MAPKAP1: variants seen among roughly 807,000 people sequenced by gnomAD.
MAPKAP1 encodes the protein target of rapamycin complex 2 subunit MAPKAP1.
In MAPKAP1, 20 loss-of-function variants were observed where a neutral mutation model predicts 65.7. That is an observed-to-expected ratio of 0.30 (90% CI 0.21 to 0.44). MAPKAP1 has a LOEUF of 0.44. Ranked by LOEUF, MAPKAP1 falls within the 20% of genes least tolerant of loss-of-function variation. The pLI, the probability that MAPKAP1 is intolerant of heterozygous loss-of-function variation, is 1.00. For missense variants in MAPKAP1, 423 were observed against 648.0 expected (o/e 0.65, Z 3.77); for synonymous variants, 222 against 244.3 (o/e 0.91, Z 0.85).
chr9:125,606,000 T>C (rs145230078), intron 4 of MAPKAP1, among the ~76,000 whole-genome samples: 1 of 152,392 alleles, frequency 6.6e-6, no homozygotes, highest in Non-Finnish European at 1.5e-5. Context: ...GAGATCACTC[T>C]CTTTGAAATT....
chr9:125,539,949 G>C (rs118095827), intron 7 of MAPKAP1, among the ~76,000 whole-genome samples: 3,918 of 152,196 alleles, frequency 0.026, 77 homozygotes, highest in South Asian at 0.057. Context: ...GAAACATACT[G>C]TGAAAAGACT....
chr9:125,536,055 T>C (rs1001425959), intron 7 of MAPKAP1, among the ~76,000 whole-genome samples: 8 of 152,244 alleles, frequency 5.3e-5, no homozygotes, highest in African/African-American at 1.9e-4. Flanking sequence ...TGGCAAATGA[T>C]ATATTTCAAG....
intron 5 of MAPKAP1, among the ~76,000 whole-genome samples, chr9:125,578,081 G>T (rs558958906): frequency 2.2e-4 from 33 of 152,052 alleles, no homozygotes; most frequent in Non-Finnish European, 3.8e-4. Context: ...ATTTTGTTCT[G>T]TACTAAGAAA....
At chr9:125,571,864 A>AAAAT (rs542796893) in intron 5 of MAPKAP1, among the ~76,000 whole-genome samples, 2,266 of 152,206 alleles carry the variant, frequency 0.015, 24 homozygotes, top group South Asian at 0.042. Flanking sequence ...ACTCTATCTC[A>AAAAT]AAATAAATAA....
At chr9:125,457,319 T>G (rs894175084) in intron 10 of MAPKAP1, among the ~76,000 whole-genome samples, 3 of 152,238 alleles carry the variant, frequency 2.0e-5, no homozygotes, top group Non-Finnish European at 4.4e-5. Flanking sequence ...TCAGGTATTG[T>G]ATTTCTCAGC....
chr9:125,597,564 G>C (rs1832175774), intron 4 of MAPKAP1, among the ~76,000 whole-genome samples: 1 of 152,206 alleles, frequency 6.6e-6, no homozygotes, highest in Non-Finnish European at 1.5e-5. Context: ...TTGAGTATCA[G>C]ATCTAAACTG....
At chr9:125,456,454 G>C (rs1306629241) in intron 10 of MAPKAP1, among the ~76,000 whole-genome samples, 1 of 152,192 alleles carries the variant, frequency 6.6e-6, no homozygotes, top group African/African-American at 2.4e-5. Flanking sequence ...GGCAGATTCT[G>C]AAATGGCTCC....
At chr9:125,476,321 G>A (rs1484025652) in intron 9 of MAPKAP1, among the ~76,000 whole-genome samples, 1 of 152,178 alleles carries the variant, frequency 6.6e-6, no homozygotes, top group Non-Finnish European at 1.5e-5. Flanking sequence ...AATAGGGACT[G>A]AACAATCATT....
At chr9:125,470,843 G>A (rs1008891501) in intron 9 of MAPKAP1, among the ~76,000 whole-genome samples, 3 of 151,906 alleles carry the variant, frequency 2.0e-5, no homozygotes, top group African/African-American at 4.8e-5. Flanking sequence ...TTTCTGAATC[G>A]AATCACATTT....
chr9:125,576,710 G>C (rs938672209), intron 5 of MAPKAP1, among the ~76,000 whole-genome samples: 2 of 152,232 alleles, frequency 1.3e-5, no homozygotes, highest in Admixed American at 6.5e-5. Context: ...TGGTGGAGAC[G>C]GGGTTTCGCT....
chr9:125,663,242 AG>A (rs1353048089), intron 3 of MAPKAP1, among the ~76,000 whole-genome samples: 1 of 152,198 alleles, frequency 6.6e-6, no homozygotes, highest in African/African-American at 2.4e-5. Context: ...TCTAACCAAC[AG>A]GCATCCTGCC....
chr9:125,506,097 A>T, intron 8 of MAPKAP1: 1 of 581,794 alleles, frequency 1.7e-6, no homozygotes, highest in South Asian at 2.0e-5. Flanking sequence ...TTAATCACAG[A>T]GTGCTAAACA....
intron 4 of MAPKAP1, among the ~76,000 whole-genome samples, chr9:125,598,079 A>G (rs1051280119): frequency 3.3e-5 from 5 of 152,030 alleles, no homozygotes; most frequent in Non-Finnish European, 7.4e-5. Context: ...GAGAAAAAAA[A>G]AAAACAAAAC....
At chr9:125,604,665 AGAAT>A (rs2131617429) in intron 4 of MAPKAP1, among the ~76,000 whole-genome samples, 1 of 152,376 alleles carries the variant, frequency 6.6e-6, no homozygotes. Context: ...TTGTTAATAA[AGAAT>A]GAATAACAGC....
chr9:125,552,630 G>A (rs1830616314), intron 6 of MAPKAP1, among the ~76,000 whole-genome samples: 1 of 152,124 alleles, frequency 6.6e-6, no homozygotes, highest in African/African-American at 2.4e-5. Flanking sequence ...TATTCCCACT[G>A]AGAATCCCTG....
intron 7 of MAPKAP1, among the ~76,000 whole-genome samples, chr9:125,541,895 G>GATGGC (rs1278327066): frequency 1.4e-4 from 22 of 152,366 alleles, no homozygotes; most frequent in African/African-American, 5.3e-4. Context: ...CATCCAGAGA[G>GATGGC]CTGGTTATCA....
At chr9:125,470,899 T>C (rs1853892293) in intron 9 of MAPKAP1, among the ~76,000 whole-genome samples, 1 of 152,240 alleles carries the variant, frequency 6.6e-6, no homozygotes, top group South Asian at 2.1e-4. Context: ...TCATTTTAGA[T>C]TGATCTGTAA....
intron 4 of MAPKAP1, among the ~76,000 whole-genome samples, chr9:125,622,853 C>A (rs1449192729): frequency 2.6e-5 from 4 of 152,126 alleles, no homozygotes; most frequent in African/African-American, 7.2e-5. Flanking sequence ...CCCTCTCATG[C>A]GGAGCCGAAG....
intron 9 of MAPKAP1, among the ~76,000 whole-genome samples, chr9:125,479,539 CA>C (rs772818618): frequency 1.7e-4 from 26 of 150,890 alleles, no homozygotes; most frequent in Admixed American, 4.6e-4. Context: ...GAGACTGTAC[CA>C]TTGCACTCCA....
Sources: allele counts gnomAD v4.1 joint callset (sites outside exome capture counted in the v4.1 genomes callset), GRCh38; gene constraint gnomAD v4.1.1; transcripts MANE v1.5; gene names NCBI Gene and HGNC (gene_info 2026-07-23, HGNC 2026-07-21).